The following EXT2 variants were observed in gnomAD, a reference collection of about 807,000 sequenced individuals.
EXT2 encodes the protein exostosin glycosyltransferase 2, also known as exostosin-2.
EXT2 carries 53 observed loss-of-function variants against 81.6 expected under a neutral mutation model. The ratio of observed to expected loss-of-function variants is 0.65; its 90% CI spans 0.52 to 0.82. The LOEUF is 0.82. Ranked by LOEUF, EXT2 falls within the 40% of genes least tolerant of loss-of-function variation. The pLI is 0.00. For missense variants in EXT2, 774 were observed against 910.2 expected (o/e 0.85, Z 1.93); for synonymous variants, 320 against 340.0 (o/e 0.94, Z 0.65).
intron 8 of EXT2, among the ~76,000 whole-genome samples, chr11:44,187,898 C>T (rs1055883853): frequency 2.6e-5 from 4 of 152,110 alleles, no homozygotes; most frequent in African/African-American, 7.2e-5. Context: ...AGATTCTGTG[C>T]CCATCATTCC....
rs1956123620 is a variant in EXT2, at chr11:44,249,570, G to T, written c.*5283G>T. Among the ~76,000 whole-genome samples the T allele has an allele frequency of 6.6e-6, 1 of 152,170 alleles. No individual in the cohort carries two copies. Among genetic ancestry groups the T allele is most frequent in the Admixed American group, 6.5e-5 (1 of 15,272 alleles). The stretch of plus-strand genomic sequence containing the variant: ...ACCAGTCAGGCCTTGCCACCATATA[G>T]AACCTTCCCTTTAGAATATATTTAT... On this transcript the variant is annotated 3_prime_UTR_variant, in exon 14 of 14. Coordinates refer to ENST00000533608, the MANE Select transcript of EXT2 (RefSeq NM_207122.2).
In EXT2 at chr11:44,183,388, A is replaced by G. The variant is rs538703833; in HGVS notation, c.1305+11646A>G. ...GCCAAATAGTGATTTTCCAGTTCTT[A>G]TTCTCTATCTTCTCAAATAAGTTAC... On this transcript the variant is annotated intron_variant, in intron 8 of 13. Transcript: ENST00000533608. Among the ~76,000 whole-genome samples the G allele has an allele frequency of 7.2e-5, 11 of 152,246 alleles. No individual in the cohort carries two copies. The South Asian group carries it at 2.3e-3, about 32-fold the overall frequency.
At chr11:44,129,057 C>T (rs950530393) in intron 6 of EXT2, among the ~76,000 whole-genome samples, 1 of 152,206 alleles carries the variant, frequency 6.6e-6, no homozygotes, top group African/African-American at 2.4e-5. Flanking sequence ...GTTGAGTCCT[C>T]TCTTTCTCTT....
intron 6 of EXT2, among the ~76,000 whole-genome samples, chr11:44,128,199 A>C (rs1954437678): frequency 6.6e-6 from 1 of 152,208 alleles, no homozygotes; most frequent in Non-Finnish European, 1.5e-5. Flanking sequence ...AGTAACATAG[A>C]GTCTCTGTTT....
rs979880656 is a variant in EXT2, at chr11:44,137,556, T to A, written c.1173+7418T>A. Among the ~76,000 whole-genome samples the A allele has an allele frequency of 2.2e-4, 34 of 151,194 alleles. 2 individuals carry two copies. Among genetic ancestry groups the A allele is most frequent in the Admixed American group, 2.2e-3 (33 of 15,176 alleles). On this transcript the variant is annotated intron_variant, in intron 7 of 13. Transcript: ENST00000533608. ...AGAATTAGGGTCCCTAATTTCATAA[T>A]GCAAATCTAAATTCTCACAGTCTAG... is the stretch of plus-strand genomic sequence containing the variant.
At chr11:44,115,356 T>G (rs1359543019) in intron 4 of EXT2, among the ~76,000 whole-genome samples, 1 of 152,166 alleles carries the variant, frequency 6.6e-6, no homozygotes, top group African/African-American at 2.4e-5. Context: ...CATCCAGCTG[T>G]TTTTTTAAAC....
In EXT2 at chr11:44,206,914, T is replaced by C. The variant is rs1955590351; in HGVS notation, c.1617T>C (p.Asp539=). The C allele has an allele frequency of 6.2e-7, 1 of 1,614,050 alleles. No homozygotes were observed. Among genetic ancestry groups the C allele is most frequent in the Non-Finnish European group, 8.5e-7 (1 of 1,180,024 alleles). Reference sequence around the variant, plus strand: ...CAGAAGCTGTTCTGGCCATTGATGATGATATCATTATGCTGACCTCTGACG... The same window carrying C: ...CAGAAGCTGTTCTGGCCATTGATGACGATATCATTATGCTGACCTCTGACG... ...IETEAVLAID[D]DIIMLTSDEL... The change falls in exon 10 of 14, where the codon GAT becomes GAC. Residue 539 remains aspartate (D), a synonymous_variant. Coordinates refer to ENST00000533608, the MANE Select transcript of EXT2 (RefSeq NM_207122.2).
intron 7 of EXT2, chr11:44,144,290 A>G (rs1342101357): frequency 1.3e-6 from 2 of 1,598,434 alleles, no homozygotes; most frequent in African/African-American, 1.3e-5. Context: ...TCAGCTGCTA[A>G]TCACCAAATG....
rs1382292432 is a variant in EXT2, at chr11:44,248,549, G to T, written c.*4262G>T. 6.6e-6 allele frequency among the ~76,000 whole-genome samples: 1 copy of T among 152,226 alleles called. No homozygotes were observed. The highest frequency in any genetic ancestry group is 1.5e-5 in the Non-Finnish European group (1 of 68,044). The stretch of plus-strand genomic sequence containing the variant: ...CCATTATACCAGCCATGCATCATCT[G>T]TGAACAGGCCTTATTGAGCTTATCT... On this transcript the variant is annotated 3_prime_UTR_variant, in exon 14 of 14. Transcript: ENST00000533608.
intron 10 of EXT2, among the ~76,000 whole-genome samples, chr11:44,214,935 T>G (rs1590654201): frequency 1.3e-5 from 2 of 149,260 alleles, no homozygotes; most frequent in East Asian, 2.0e-4. Context: ...TGGCGGGGGG[T>G]GGGGGCGGTA....
chr11:44,226,939 C>T (rs1161964597), intron 10 of EXT2, among the ~76,000 whole-genome samples: 3 of 152,218 alleles, frequency 2.0e-5, no homozygotes, highest in Non-Finnish European at 4.4e-5. Flanking sequence ...CTATAGACTG[C>T]ACCCCCAATT....
rs1434407890 is a variant in EXT2, at chr11:44,232,414, A to G, written c.1724A>G (p.His575Arg). 6 of 1,614,078 alleles carry G rather than the reference A, an allele frequency of 3.7e-6. No homozygotes were observed. The highest frequency in any genetic ancestry group is 2.5e-6 in the Non-Finnish European group (3 of 1,179,968). Residue 575 changes from histidine to arginine, a missense_variant, in exon 11 of 14, where the codon CAT (histidine) becomes CGT (arginine). This residue lies in a region of EXT2 where 148 missense variants were observed against 239.7 expected (regional missense o/e 0.62). Transcript: ENST00000533608. ...CCGGGTCGTCTGCATCTCTGGGACC[A>G]TGAGATGAATAAGTGGAAGTATGAG... ...GYPGRLHLWD[H>R]EMNKWKYESE...
At chr11:44,109,654 C>T (rs1954114695) in intron 3 of EXT2, among the ~76,000 whole-genome samples, 1 of 152,112 alleles carries the variant, frequency 6.6e-6, no homozygotes, top group Admixed American at 6.6e-5. Context: ...AAAAGCGATA[C>T]CCAAAGCCTA....
intron 11 of EXT2, 29 bp from the exon 12 acceptor site, chr11:44,234,086 A>T (rs201679753): frequency 6.2e-7 from 1 of 1,613,734 alleles, no homozygotes; most frequent in African/African-American, 1.3e-5. Flanking sequence ...CTATTTTTGA[A>T]TATTTCTTCT....
chr11:44,225,268 T>G (rs1386468117), intron 10 of EXT2, among the ~76,000 whole-genome samples: 1 of 152,190 alleles, frequency 6.6e-6, no homozygotes, highest in East Asian at 1.9e-4. Context: ...TTGCTTGTGT[T>G]TCCTTCTCTG....
intron 4 of EXT2, among the ~76,000 whole-genome samples, chr11:44,121,963 G>T (rs1435407538): frequency 6.6e-6 from 1 of 152,036 alleles, no homozygotes; most frequent in Admixed American, 6.6e-5. Flanking sequence ...TTCCACGTGC[G>T]CCTTCTTCCC....
At chr11:44,129,228 T>C (rs985383422) in intron 6 of EXT2, among the ~76,000 whole-genome samples, 11 of 152,244 alleles carry the variant, frequency 7.2e-5, no homozygotes, top group Non-Finnish European at 1.5e-4. Flanking sequence ...TCTAACACTT[T>C]AGATAGAATG....
chr11:44,160,582 T>C (rs1954915302), intron 7 of EXT2, among the ~76,000 whole-genome samples: 1 of 152,162 alleles, frequency 6.6e-6, no homozygotes, highest in Non-Finnish European at 1.5e-5. Context: ...AGAAAGTGAC[T>C]TGCCTAGACT....
intron 5 of EXT2, among the ~76,000 whole-genome samples, chr11:44,126,237 T>TTTATAGAACATATTAGTCTTAA (rs1342523021): frequency 1.3e-5 from 2 of 152,250 alleles, no homozygotes; most frequent in Non-Finnish European, 2.9e-5. Context: ...TTAGATTTTT[T>TTTATAGAACATATTAGTCTTAA]TTATAGAACA....
Sources: gnomAD v4.1 joint callset for allele counts (sites outside exome capture counted in the v4.1 genomes callset) on GRCh38, gnomAD v4.1.1 for gene constraint, gnomAD v4.1.1 regional missense constraint, MANE v1.5 for transcripts, NCBI Gene and HGNC (gene_info 2026-07-23, HGNC 2026-07-21) for gene names.